Variants in LHFPL3 observed in about 807,000 individuals in gnomAD.
LHFPL3 encodes the protein LHFPL tetraspan subfamily member 3 protein.
Under a neutral mutation model 19.3 loss-of-function variants are expected in LHFPL3, and 5 were observed. That is an observed-to-expected ratio of 0.26 (90% CI 0.14 to 0.54). The LOEUF (loss-of-function observed/expected upper bound fraction) is 0.54, where lower values mean the gene tolerates loss of function less well. Ranked by LOEUF, LHFPL3 falls within the 20% of genes least tolerant of loss-of-function variation. The probability of loss-of-function intolerance (pLI) is 0.94; values close to 1 mark genes in which losing one functional copy is unlikely to be tolerated. For synonymous variants in LHFPL3, 133 were observed against 126.2 expected (o/e 1.05, Z -0.36); for missense variants, 249 against 307.4 (o/e 0.81, Z 1.42).
At chr7:104,850,048 A>C (rs1296183981) in intron 2 of LHFPL3, among the ~76,000 whole-genome samples, 1 of 152,210 alleles carries the variant, frequency 6.6e-6, no homozygotes, top group Non-Finnish European at 1.5e-5. Flanking sequence ...CACGCCTGTA[A>C]TCCCAGCAGT....
chr7:104,838,124 A>G lies in LHFPL3; in HGVS notation c.683-68063A>G, dbSNP rs916998985. On this transcript the variant is annotated intron_variant, in intron 2 of 2. Transcript: ENST00000424859. ...CCTCAATGACCCTGGCCATCCTGCA[A>G]TTAGCCATCCTTTTGGTTCTCAACT... is the stretch of plus-strand genomic sequence containing the variant. 2.6e-5 allele frequency among the ~76,000 whole-genome samples: 4 copies of G among 152,316 alleles called. No individual in the cohort carries two copies. In the South Asian group the frequency reaches 8.3e-4, roughly 32 times the overall value.
chr7:104,804,244 A>C (rs1790310253), intron 2 of LHFPL3: 1 of 152,224 alleles, frequency 6.6e-6, no homozygotes, highest in Admixed American at 6.5e-5. Flanking sequence ...CTGATTCGCC[A>C]GCTTAAGTCA....
intron 2 of LHFPL3, among the ~76,000 whole-genome samples, chr7:104,804,975 C>G (rs528821551): frequency 1.1e-4 from 16 of 152,278 alleles, no homozygotes; most frequent in South Asian, 8.3e-4. Context: ...TTTCTGCTCC[C>G]ACACCCCTTT....
chr7:104,868,380 G>C (rs1055704557), intron 2 of LHFPL3, among the ~76,000 whole-genome samples: 10 of 152,152 alleles, frequency 6.6e-5, no homozygotes, highest in Non-Finnish European at 1.3e-4. Flanking sequence ...CTTCAGCAAA[G>C]TCTCAGGATA....
intron 1 of LHFPL3, among the ~76,000 whole-genome samples, chr7:104,574,943 T>C (rs547003710): frequency 5.9e-5 from 9 of 152,266 alleles, no homozygotes; most frequent in African/African-American, 1.4e-4. Flanking sequence ...CAAAAAAGGG[T>C]ACCCTGTACA....
intron 2 of LHFPL3, among the ~76,000 whole-genome samples, chr7:104,883,975 C>G (rs1469883691): frequency 6.6e-6 from 1 of 152,148 alleles, no homozygotes; most frequent in Non-Finnish European, 1.5e-5. Flanking sequence ...CAGTGCAACA[C>G]GTGGTTGGGG....
intron 2 of LHFPL3, among the ~76,000 whole-genome samples, chr7:104,865,466 A>G (rs1340387954): frequency 3.3e-5 from 5 of 152,224 alleles, no homozygotes; most frequent in Non-Finnish European, 7.3e-5. Context: ...ACTGGAAGAA[A>G]GGGTATCAGT....
At chr7:104,776,829 T>A (rs12669727) in intron 2 of LHFPL3, among the ~76,000 whole-genome samples, 46,271 of 152,182 alleles carry the variant, frequency 0.3, 7,410 homozygotes, top group South Asian at 0.39. Context: ...TAACAAACTC[T>A]ACATTGTAAA....
At chr7:104,668,456 G>T in intron 1 of LHFPL3, 1 of 1,611,548 alleles carries the variant, frequency 6.2e-7, no homozygotes, top group Non-Finnish European at 8.5e-7. Flanking sequence ...ATCGGGATGG[G>T]TATCGGGATG....
intron 1 of LHFPL3, among the ~76,000 whole-genome samples, chr7:104,525,691 C>T (rs1048588054): frequency 2.0e-5 from 3 of 151,256 alleles, no homozygotes; most frequent in Non-Finnish European, 4.4e-5. Context: ...ACTGCAACCT[C>T]CGCCTCCTGG....
At chr7:104,523,688 A>T (rs182201418) in intron 1 of LHFPL3, among the ~76,000 whole-genome samples, 1 of 152,324 alleles carries the variant, frequency 6.6e-6, no homozygotes, top group East Asian at 1.9e-4. Flanking sequence ...ATGTTGAGGT[A>T]CCCTCCGAAA....
At chr7:104,357,147 C>T (rs1267121249) in intron 1 of LHFPL3, among the ~76,000 whole-genome samples, 2 of 152,264 alleles carry the variant, frequency 1.3e-5, no homozygotes, top group South Asian at 4.1e-4. Context: ...AGGGAAGTCC[C>T]AAGTGATGTT....
chr7:104,443,370 TGG>T (rs1433122151), intron 1 of LHFPL3, among the ~76,000 whole-genome samples: 6 of 152,344 alleles, frequency 3.9e-5, no homozygotes, highest in African/African-American at 1.2e-4. Flanking sequence ...CTCCAGTGCA[TGG>T]ATGTTTGGCC....
chr7:104,468,528 G>T (rs1006978861), intron 1 of LHFPL3, among the ~76,000 whole-genome samples: 1 of 152,116 alleles, frequency 6.6e-6, no homozygotes, highest in African/African-American at 2.4e-5. Context: ...CATCATTTGT[G>T]CCCTTGCAAG....
intron 1 of LHFPL3, among the ~76,000 whole-genome samples, chr7:104,460,128 G>T (rs1430986150): frequency 6.6e-6 from 1 of 152,224 alleles, no homozygotes; most frequent in African/African-American, 2.4e-5. Flanking sequence ...TCATTAGTTT[G>T]CTAAGGATAA....
At chr7:104,452,157 A>G (rs750334252) in intron 1 of LHFPL3, among the ~76,000 whole-genome samples, 1 of 152,156 alleles carries the variant, frequency 6.6e-6, no homozygotes, top group Non-Finnish European at 1.5e-5. Context: ...CCTTAGAATC[A>G]TCTCTGTATA....
intron 1 of LHFPL3, among the ~76,000 whole-genome samples, chr7:104,397,286 G>A (rs1448039552): frequency 1.3e-5 from 2 of 152,104 alleles, no homozygotes; most frequent in African/African-American, 4.8e-5. Flanking sequence ...TAAACACTCT[G>A]TTAGCCCCAA....
chr7:104,622,670 T>G (rs1328333886), intron 1 of LHFPL3, among the ~76,000 whole-genome samples: 3 of 152,208 alleles, frequency 2.0e-5, no homozygotes, highest in African/African-American at 7.2e-5. Flanking sequence ...ATTTGCCTAT[T>G]CTAGACTTGA....
intron 2 of LHFPL3, among the ~76,000 whole-genome samples, chr7:104,894,033 A>G (rs1185711886): frequency 6.6e-6 from 1 of 152,164 alleles, no homozygotes; most frequent in East Asian, 1.9e-4. Context: ...ATCTGTGCAC[A>G]GCAGAGAAAG....
Sources: allele counts gnomAD v4.1 joint callset (sites outside exome capture counted in the v4.1 genomes callset), GRCh38; gene constraint gnomAD v4.1.1; transcripts MANE v1.5; gene names NCBI Gene and HGNC (gene_info 2026-07-23, HGNC 2026-07-21).